The following FBXL4 variants were observed in gnomAD, a reference collection of about 807,000 sequenced individuals.
FBXL4 encodes F-box and leucine rich repeat protein 4.
Under a neutral mutation model 58.9 loss-of-function variants are expected in FBXL4, and 40 were observed. The observed-to-expected ratio is 0.68, with a 90% CI of 0.53 to 0.88. FBXL4 has a LOEUF of 0.88. Ranked by LOEUF, FBXL4 falls within the 40% of genes least tolerant of loss-of-function variation. The probability of loss-of-function intolerance (pLI) is 0.00; values close to 1 mark genes in which losing one functional copy is unlikely to be tolerated. For missense variants in FBXL4, 676 were observed against 734.4 expected, an observed-to-expected ratio of 0.92 and a Z score of 0.92; for synonymous variants, 263 against 265.5, an observed-to-expected ratio of 0.99 and a Z score of 0.09.
chr6:98,894,919 G>A (rs1771360063), intron 7 of FBXL4, among the ~76,000 whole-genome samples: 2 of 152,100 alleles, frequency 1.3e-5, no homozygotes, highest in Non-Finnish European at 2.9e-5. Flanking sequence ...TAAAAATTCT[G>A]AACAACCACT....
rs142853738 is a variant in FBXL4 at position 98,926,910 on chromosome 6, T to C, written c.79A>G (p.Thr27Ala). ...TGGGTGTTCATCATTTCTCCTCTTG[T>C]AGCTGTCCTGGCTCGGCGCCGAAGG... ...ICLRRRARTA[T>A]RGEMMNTHRA... Residue 27 changes from threonine (T) to alanine (A), a missense_variant, in exon 4 of 10, where the codon ACA (threonine) becomes GCA (alanine). Coordinates refer to ENST00000369244, the MANE Select transcript of FBXL4 (RefSeq NM_001278716.2). 318 of 1,614,096 alleles carry C rather than the reference T, an allele frequency of 2.0e-4. No homozygotes were observed. The highest frequency in any genetic ancestry group is 6.7e-5 in the African/African-American group (5 of 74,946).
chr6:98,916,279 A>G (rs1314126351), intron 5 of FBXL4, among the ~76,000 whole-genome samples: 2 of 150,072 alleles, frequency 1.3e-5, no homozygotes, highest in East Asian at 3.9e-4. Context: ...GGGATCTACA[A>G]GTAGAAATAC....
At chr6:98,899,067 C>T (rs1241590411) in intron 7 of FBXL4, 4 of 985,162 alleles carry the variant, frequency 4.1e-6, no homozygotes, top group Non-Finnish European at 4.8e-6. Context: ...TAGAGAAGAA[C>T]ATTTCCTTAT....
intron 2 of FBXL4, among the ~76,000 whole-genome samples, chr6:98,928,559 A>C (rs1772881350): frequency 6.6e-6 from 1 of 152,024 alleles, no homozygotes; most frequent in South Asian, 2.1e-4. Flanking sequence ...CGAACTCCTG[A>C]CCTCAGGTGA....
intron 2 of FBXL4, among the ~76,000 whole-genome samples, chr6:98,930,022 T>C (rs1008694375): frequency 1.3e-5 from 2 of 152,136 alleles, no homozygotes; most frequent in South Asian, 4.1e-4. Flanking sequence ...TGGTAAAACT[T>C]TAGGACCTGG....
At position 98,870,925 on chromosome 6, in the gene FBXL4, C is replaced by T. The variant is rs764060286; in HGVS notation, c.*3353G>A. 1 of 151,788 alleles carries T rather than the reference C, an allele frequency of 6.6e-6. No homozygotes were observed. Among genetic ancestry groups the T allele is most frequent in the Non-Finnish European group, 1.5e-5 (1 of 67,924 alleles). The allele number at this position is 151,788 out of a possible 1,614,324, so 9.4% of individuals were successfully genotyped here. ...GGTAAAACCCCATTTCTACTAAAAA[C>T]ATAAAAATTAGTTAGGTGTGGTGGC... is the stretch of plus-strand genomic sequence containing the variant. On this transcript the variant is annotated 3_prime_UTR_variant, in exon 10 of 10. Transcript: ENST00000369244.
At chr6:98,899,584 A>G in intron 6 of FBXL4, 103 bp from the exon 7 acceptor site, 2 of 1,295,810 alleles carry the variant, frequency 1.5e-6, no homozygotes, top group Non-Finnish European at 2.1e-6. Context: ...GAAAGAATAG[A>G]TTTCTATTAG....
At chr6:98,930,873 A>G (rs1247116422) in intron 2 of FBXL4, among the ~76,000 whole-genome samples, 1 of 152,232 alleles carries the variant, frequency 6.6e-6, no homozygotes, top group African/African-American at 2.4e-5. Flanking sequence ...ATTAAGAACC[A>G]TTTTCCAAAG....
intron 5 of FBXL4, among the ~76,000 whole-genome samples, chr6:98,915,553 A>T (rs1366258400): frequency 6.6e-6 from 1 of 151,442 alleles, no homozygotes; most frequent in Non-Finnish European, 1.5e-5. Context: ...AAACCTGAGA[A>T]AAACAAGCAA....
chr6:98,880,991 AC>A (rs1365654614), intron 7 of FBXL4, among the ~76,000 whole-genome samples: 1 of 152,114 alleles, frequency 6.6e-6, no homozygotes, highest in Non-Finnish European at 1.5e-5. Context: ...AAAAACAAAA[AC>A]AAAAAGACAA....
chr6:98,879,875 G>A (rs926057451), intron 8 of FBXL4, among the ~76,000 whole-genome samples: 5 of 147,214 alleles, frequency 3.4e-5, no homozygotes, highest in African/African-American at 7.6e-5. Flanking sequence ...TCCGGGAGAC[G>A]GAGATTGCAG....
At chr6:98,880,460 T>G in intron 8 of FBXL4, 93 bp downstream of exon 8, 1 of 938,536 alleles carries the variant, frequency 1.1e-6, no homozygotes, top group Non-Finnish European at 1.7e-6. Flanking sequence ...ACTGTGGGTG[T>G]GTGTGGGGTA....
intron 5 of FBXL4, among the ~76,000 whole-genome samples, chr6:98,910,683 T>C (rs1383692057): frequency 1.3e-5 from 2 of 149,874 alleles, no homozygotes; most frequent in Admixed American, 1.3e-4. Context: ...AAAAAAAGTA[T>C]TGTGGGGGGA....
chr6:98,910,871 G>A (rs924666925), intron 5 of FBXL4, among the ~76,000 whole-genome samples: 26 of 152,174 alleles, frequency 1.7e-4, no homozygotes, highest in African/African-American at 5.3e-4. Flanking sequence ...GAAGCAGGGC[G>A]AGGCATTGCC....
chr6:98,919,130 T>C (rs1053145015), intron 4 of FBXL4, among the ~76,000 whole-genome samples: 4 of 152,092 alleles, frequency 2.6e-5, no homozygotes, highest in African/African-American at 4.8e-5. Flanking sequence ...ACTCCTACTG[T>C]TTTTAGGCCC....
intron 7 of FBXL4, among the ~76,000 whole-genome samples, chr6:98,881,030 C>T (rs1305109593): frequency 6.6e-6 from 1 of 152,140 alleles, no homozygotes. Context: ...GGTGACACTC[C>T]TGAAGAATGG....
intron 8 of FBXL4, among the ~76,000 whole-genome samples, chr6:98,879,510 T>C (rs956393234): frequency 3.9e-5 from 6 of 152,210 alleles, no homozygotes; most frequent in Non-Finnish European, 7.3e-5. Flanking sequence ...TTAAAAGCTA[T>C]ATAATTATGT....
chr6:98,921,865 A>C (rs1772595136), intron 4 of FBXL4, among the ~76,000 whole-genome samples: 1 of 151,596 alleles, frequency 6.6e-6, no homozygotes, highest in African/African-American at 2.4e-5. Context: ...CTTTAATCTG[A>C]CCTCTATTTG....
chr6:98,874,354 T>G lies in FBXL4; in HGVS notation c.1790A>C (p.Gln597Pro), dbSNP rs201989042. 53 of 1,613,216 alleles carry G rather than the reference T, an allele frequency of 3.3e-5. No individual in the cohort carries two copies. The highest frequency in any genetic ancestry group is 4.0e-5 in the Non-Finnish European group (47 of 1,179,716). ...LSLLDVSFCS[Q>P]IDNRAVLELN... ...TTCTAGCACAGCTCTGTTATCAATC[T>G]GCGAACAGAAGGACACATCAAGTAA... Residue 597 changes from glutamine to proline, a missense_variant, in exon 10 of 10, where the codon CAG (glutamine) becomes CCG (proline). Gln to Pro is a moderately conservative substitution (Grantham distance 76, BLOSUM62 -1). Transcript: ENST00000369244.
Sources: gnomAD v4.1 joint callset for allele counts (sites outside exome capture counted in the v4.1 genomes callset) on GRCh38, gnomAD v4.1.1 for gene constraint, MANE v1.5 for transcripts, NCBI Gene and HGNC (gene_info 2026-07-23, HGNC 2026-07-21) for gene names.